Variants in TMEM117 observed in about 807,000 individuals in gnomAD.
The protein encoded by TMEM117 is transmembrane protein 117.
A neutral mutation model predicts 52.4 loss-of-function variants in TMEM117; 27 were observed. The observed-to-expected ratio is 0.51, with a 90% confidence interval of 0.38 to 0.71. TMEM117 has a LOEUF of 0.71. Ranked by LOEUF, TMEM117 falls within the 30% of genes least tolerant of loss-of-function variation. The pLI is 0.00. For synonymous variants in TMEM117, 215 were observed against 206.3 expected (o/e 1.04, Z -0.36); for missense variants, 556 against 630.5 (o/e 0.88, Z 1.26).
chr12:43,831,215 A>G (rs1942979261), upstream of TMEM117, among the ~76,000 whole-genome samples: 1 of 152,236 alleles, frequency 6.6e-6, no homozygotes, highest in Non-Finnish European at 1.5e-5. Flanking sequence ...GTTTATATTC[A>G]GAGTATGTAA....
At chr12:44,274,525 G>A (rs1050312006) in intron 5 of TMEM117, among the ~76,000 whole-genome samples, 7 of 152,044 alleles carry the variant, frequency 4.6e-5, no homozygotes, top group Non-Finnish European at 8.8e-5. Context: ...AACTAAACTG[G>A]AGTAGTTGCA....
At chr12:44,330,897 T>C (rs1190180565) in intron 6 of TMEM117, among the ~76,000 whole-genome samples, 1 of 152,082 alleles carries the variant, frequency 6.6e-6, no homozygotes, top group African/African-American at 2.4e-5. Context: ...CACTATTTTG[T>C]TATATTACTA....
intron 3 of TMEM117, among the ~76,000 whole-genome samples, chr12:44,116,119 C>T (rs1348935590): frequency 1.3e-5 from 2 of 152,200 alleles, no homozygotes; most frequent in Non-Finnish European, 2.9e-5. Flanking sequence ...TTAAATTTAA[C>T]AGATATATTT....
At chr12:44,087,448 G>A (rs966141436) in intron 3 of TMEM117, among the ~76,000 whole-genome samples, 5 of 151,796 alleles carry the variant, frequency 3.3e-5, no homozygotes, top group African/African-American at 1.2e-4. Flanking sequence ...ATGTATGTAT[G>A]TATGTATGTA....
At chr12:43,980,167 C>T (rs1187161619) in intron 3 of TMEM117, among the ~76,000 whole-genome samples, 4 of 152,094 alleles carry the variant, frequency 2.6e-5, no homozygotes, top group African/African-American at 9.7e-5. Flanking sequence ...TGCATTTCCT[C>T]TTTGTTATTT....
intron 3 of TMEM117, among the ~76,000 whole-genome samples, chr12:44,090,400 TTA>T (rs1491209941): frequency 2.6e-4 from 6 of 23,152 alleles, no homozygotes; most frequent in African/African-American, 1.4e-3. Context: ...ATCTTACTTT[TTA>T]TTTATTTATT....
intron 3 of TMEM117, among the ~76,000 whole-genome samples, chr12:44,043,577 TA>T (rs1185733786): frequency 6.6e-6 from 1 of 152,158 alleles, no homozygotes; most frequent in African/African-American, 2.4e-5. Flanking sequence ...TTTGAGGAGA[TA>T]AACCTTGCAC....
At chr12:43,914,188 G>C (rs1213585370) in intron 2 of TMEM117, among the ~76,000 whole-genome samples, 2 of 152,102 alleles carry the variant, frequency 1.3e-5, no homozygotes, top group Non-Finnish European at 2.9e-5. Flanking sequence ...GCTTCGGGAG[G>C]GGATGTGCTT....
At chr12:43,973,494 TGAACTTTACAAA>T (rs1945624867) in intron 3 of TMEM117, among the ~76,000 whole-genome samples, 1 of 152,232 alleles carries the variant, frequency 6.6e-6, no homozygotes, top group South Asian at 2.1e-4. Context: ...TTTCGGCTTT[TGAACTTTACAAA>T]GAGTAACCTC....
Position 43,836,112 on chromosome 12 carries a change from C to G in TMEM117, c.-113C>G, listed in dbSNP as rs1016328244. 1 of 151,976 alleles carries G rather than the reference C, an allele frequency of 6.6e-6. No homozygotes were observed. Among genetic ancestry groups the G allele is most frequent in the Non-Finnish European group, 1.5e-5 (1 of 68,012 alleles). The allele number at this position is 151,976 out of a possible 1,614,324, so 9.4% of individuals were successfully genotyped here. ...GCCGCCGGCCCGTCTCGCCGCGCTT[C>G]CCAGCGAGGCCGCCGGCGCGCCGAG... On this transcript the variant is annotated 5_prime_UTR_variant, in exon 1 of 8. Coordinates refer to ENST00000266534, the MANE Select transcript of TMEM117 (RefSeq NM_032256.3).
At chr12:44,245,667 A>G (rs186988820) in intron 5 of TMEM117, among the ~76,000 whole-genome samples, 268 of 151,464 alleles carry the variant, frequency 1.8e-3, no homozygotes, top group Non-Finnish European at 3.5e-3. Flanking sequence ...TTCCTTTCCT[A>G]TTTGGATACC....
intron 5 of TMEM117, among the ~76,000 whole-genome samples, chr12:44,250,732 G>A (rs776949452): frequency 4.6e-5 from 7 of 152,084 alleles, no homozygotes; most frequent in South Asian, 2.1e-4. Context: ...GCAAACTAAC[G>A]CAGGAACAGA....
intron 2 of TMEM117, among the ~76,000 whole-genome samples, chr12:43,850,251 A>T (rs141677410): frequency 6.6e-6 from 1 of 152,338 alleles, no homozygotes; most frequent in African/African-American, 2.4e-5. Context: ...TGGTAAGTAA[A>T]AATCTTAGAG....
chr12:44,290,188 G>A (rs111929310), intron 5 of TMEM117, among the ~76,000 whole-genome samples: 1 of 152,064 alleles, frequency 6.6e-6, no homozygotes, highest in Non-Finnish European at 1.5e-5. Flanking sequence ...GTACATAAGT[G>A]TGATTGTTTC....
intron 3 of TMEM117, among the ~76,000 whole-genome samples, chr12:44,085,994 A>G (rs1947559723): frequency 6.6e-6 from 1 of 152,190 alleles, no homozygotes; most frequent in South Asian, 2.1e-4. Context: ...AGAATAGCAC[A>G]GGGTTTTAAA....
intron 6 of TMEM117, among the ~76,000 whole-genome samples, chr12:44,326,807 A>C (rs1196598605): frequency 6.6e-6 from 1 of 152,196 alleles, no homozygotes; most frequent in Non-Finnish European, 1.5e-5. Flanking sequence ...GTGTCGCCCA[A>C]ATGAATGGTT....
chr12:43,798,666 G>C, the TMEM117 span: 2 of 1,369,198 alleles, frequency 1.5e-6, no homozygotes, highest in Non-Finnish European at 2.0e-6. Context: ...CAAATAATAT[G>C]AATTAAAATA....
the TMEM117 span, among the ~76,000 whole-genome samples, chr12:44,396,508 CAATAA>C: frequency 6.6e-6 from 1 of 151,858 alleles, no homozygotes. Context: ...GTTTCTGACT[CAATAA>C]AATTTGACTG....
At chr12:43,910,238 A>G (rs1704734695) in intron 2 of TMEM117, among the ~76,000 whole-genome samples, 1 of 152,096 alleles carries the variant, frequency 6.6e-6, no homozygotes, top group South Asian at 2.1e-4. Flanking sequence ...AACCAAAGCC[A>G]AAAACCACAT....
Sources: gnomAD v4.1 joint callset for allele counts (sites outside exome capture counted in the v4.1 genomes callset) on GRCh38, gnomAD v4.1.1 for gene constraint, MANE v1.5 for transcripts, NCBI Gene and HGNC (gene_info 2026-07-23, HGNC 2026-07-21) for gene names.